DGKK: variants seen among roughly 807,000 people sequenced by gnomAD.
DGKK encodes the protein 142 kDa diacylglycerol kinase.
Under a neutral mutation model 92.2 loss-of-function variants are expected in DGKK, and 35 were observed. The ratio of observed to expected loss-of-function variants is 0.38; its 90% confidence interval spans 0.29 to 0.50. The LOEUF (loss-of-function observed/expected upper bound fraction) is 0.50, where lower values mean the gene tolerates loss of function less well. Among genes scored for constraint, DGKK ranks in the 20% least tolerant of loss-of-function variants. The probability of loss-of-function intolerance (pLI) is 0.92; values close to 1 mark genes in which losing one functional copy is unlikely to be tolerated. For synonymous variants in DGKK, 368 were observed against 360.6 expected, an observed-to-expected ratio of 1.02 and a Z score of -0.23; for missense variants, 910 against 992.2, an observed-to-expected ratio of 0.92 and a Z score of 1.11.
chrX:50,434,121 C>T (rs1284738317), intron 1 of DGKK, among the ~76,000 whole-genome samples: 1 of 110,976 alleles, frequency 9.0e-6, no homozygotes, highest in African/African-American at 3.3e-5. Flanking sequence ...CACCAAGAAA[C>T]ATGCCCTGTT....
At chrX:50,410,808 T>G (rs782022574) in intron 4 of DGKK, among the ~76,000 whole-genome samples, 1 of 111,718 alleles carries the variant, frequency 9.0e-6, no homozygotes, top group South Asian at 3.8e-4. Flanking sequence ...AAAAGAGAGT[T>G]GAAGGCAGAT....
At chrX:50,370,572 T>C in intron 26 of DGKK, 23 bp from the exon 27 acceptor site, 1 of 1,185,484 alleles carries the variant, frequency 8.4e-7, no homozygotes, top group South Asian at 1.9e-5. Context: ...AAGAGGAAGG[T>C]CAAAATGTTA....
chrX:50,377,491 T>G (rs1557223973), intron 22 of DGKK, among the ~76,000 whole-genome samples: 1 of 112,225 alleles, frequency 8.9e-6, no homozygotes, highest in Non-Finnish European at 1.9e-5. Flanking sequence ...TAGCACAGAA[T>G]AGGCAGTTTA....
chrX:50,396,624 G>T (rs184422189), intron 8 of DGKK, among the ~76,000 whole-genome samples: 10 of 111,059 alleles, frequency 9.0e-5, no homozygotes, highest in South Asian at 3.9e-4. Flanking sequence ...TGGATGGGAA[G>T]ACAGTGGGAC....
intron 25 of DGKK, among the ~76,000 whole-genome samples, chrX:50,373,289 C>A (rs781925380): frequency 8.9e-6 from 1 of 112,042 alleles, no homozygotes; most frequent in Non-Finnish European, 1.9e-5. Context: ...TCTAGGACAG[C>A]CTTTCTGGAG....
intron 1 of DGKK, among the ~76,000 whole-genome samples, chrX:50,436,473 A>G (rs1211305094): frequency 8.9e-6 from 1 of 112,326 alleles, no homozygotes; most frequent in Non-Finnish European, 1.9e-5. Context: ...GGTTTAAACC[A>G]CTGGTCTTAT....
At position 50,392,253 on chromosome X, in the gene DGKK, G is replaced by A. The variant is rs1924717701; in HGVS notation, c.1704+88C>T. ...GGGAAACATATTTTACAGACAGGGAGGGCGAAGACTTGGGACTTCTTGGGA... is the reference window on the plus strand; with the variant it reads ...GGGAAACATATTTTACAGACAGGGAAGGCGAAGACTTGGGACTTCTTGGGA... On this transcript the variant is annotated intron_variant, in intron 10 of 27. Transcript: ENST00000611977. 6.2e-6 allele frequency: 4 copies of A among 647,081 alleles called. No homozygotes were observed. In the Admixed American group the frequency reaches 8.5e-5, roughly 14 times the overall value. The allele number at this position is 647,081 out of a possible 1,213,427, so 53.3% of individuals were successfully genotyped here.
At chrX:50,405,690 C>A (rs947195143) in intron 4 of DGKK, among the ~76,000 whole-genome samples, 8 of 111,589 alleles carry the variant, frequency 7.2e-5, no homozygotes, top group Non-Finnish European at 1.5e-4. Context: ...TGGTTACGTG[C>A]TAAGCTACTG....
chrX:50,388,492 C>G (rs370649289), intron 13 of DGKK, 35 bp downstream of exon 13: 7 of 1,102,266 alleles, frequency 6.4e-6, no homozygotes, highest in African/African-American at 1.8e-5. Context: ...GACCTGGGAA[C>G]AGCCCCAAAG....
intron 1 of DGKK, among the ~76,000 whole-genome samples, chrX:50,434,794 C>T: frequency 1.8e-5 from 2 of 111,970 alleles, no homozygotes; most frequent in Admixed American, 1.9e-4. Flanking sequence ...GCTTCTAAAT[C>T]TGGAGACTTC....
intron 25 of DGKK, among the ~76,000 whole-genome samples, chrX:50,372,114 G>C (rs782767717): frequency 8.9e-6 from 1 of 111,998 alleles, no homozygotes; most frequent in Non-Finnish European, 1.9e-5. Context: ...CTACAGCTTA[G>C]GGTTGAGGAC....
chrX:50,392,822 GAGAGTGGCAGGAAAAGT>G (rs199898327), intron 9 of DGKK, among the ~76,000 whole-genome samples: 1,913 of 112,492 alleles, frequency 0.017, 47 homozygotes, highest in African/African-American at 0.059. Flanking sequence ...TCCCGGGAAA[GAGAGTGGCAGGAAAAGT>G]AGACAGCAGT....
chrX:50,420,321 C>A, intron 4 of DGKK, 82 bp downstream of exon 4: 1 of 873,284 alleles, frequency 1.1e-6, no homozygotes, highest in South Asian at 2.3e-5. Context: ...CTTATTATTT[C>A]CCTGCTCTAA....
In DGKK at chrX:50,424,015, G is replaced by T. The variant is rs190255794; in HGVS notation, c.756+233C>A. On this transcript the variant is annotated intron_variant, in intron 2 of 27. Transcript: ENST00000611977. The stretch of plus-strand genomic sequence containing the variant: ...CACTGGATCCCCAAAATTATAGTTG[G>T]TTCTGGGTGCAGAAGCTAGCTGGGA... 6.6e-4 allele frequency among the ~76,000 whole-genome samples: 73 copies of T among 111,414 alleles called. No individual in the cohort carries two copies. The East Asian group carries it at 0.011, about 17-fold the overall frequency.
At chrX:50,377,999 A>T in intron 22 of DGKK, 99 bp downstream of exon 22, 1 of 1,020,394 alleles carries the variant, frequency 9.8e-7, no homozygotes. Flanking sequence ...GGGCACACAG[A>T]CCTCCTTTTG....
At chrX:50,375,105 A>G (rs1362359448) in intron 24 of DGKK, 48 bp from the exon 25 acceptor site, 27 of 1,030,285 alleles carry the variant, frequency 2.6e-5, no homozygotes, top group Non-Finnish European at 3.4e-5. Context: ...AAGACAGGGG[A>G]GTTGTTGGTT....
At chrX:50,422,246 T>A (rs1182252433) in intron 3 of DGKK, among the ~76,000 whole-genome samples, 200 bp downstream of exon 3, 6 of 111,755 alleles carry the variant, frequency 5.4e-5, no homozygotes, top group Non-Finnish European at 1.1e-4. Flanking sequence ...AGCTTTATAC[T>A]GGTAATAAGG....
At chrX:50,457,785 C>G (rs1926645471) in intron 1 of DGKK, among the ~76,000 whole-genome samples, 1 of 111,282 alleles carries the variant, frequency 9.0e-6, no homozygotes. Context: ...TAGCTTTTAC[C>G]ACATATTTTT....
rs1557222773 is a variant in DGKK, at chrX:50,368,918, G to C, written c.*22C>G. ...TTTTTAGTAGAATTCTCAATGTTGT[G>C]AGTTCTTCCAGCTTTCAAGGGCTAC... On this transcript the variant is annotated 3_prime_UTR_variant, in exon 28 of 28. Transcript: ENST00000611977. 1 of 1,184,232 alleles carries C rather than the reference G, an allele frequency of 8.4e-7. No homozygotes were observed. Among genetic ancestry groups the C allele is most frequent in the East Asian group, 3.0e-5 (1 of 33,655 alleles).
Sources: allele counts gnomAD v4.1 joint callset (sites outside exome capture counted in the v4.1 genomes callset), GRCh38; gene constraint gnomAD v4.1.1; transcripts MANE v1.5; gene names NCBI Gene and HGNC (gene_info 2026-07-23, HGNC 2026-07-21).